The following REEP1 variants were observed in gnomAD, a reference collection of about 807,000 sequenced individuals.
The protein encoded by REEP1 is receptor expression-enhancing protein 1.
Under a neutral mutation model 40.3 loss-of-function variants are expected in REEP1, and 22 were observed. The ratio of observed to expected loss-of-function variants is 0.55; its 90% confidence interval spans 0.39 to 0.78. The LOEUF is 0.78. Among genes scored for constraint, REEP1 ranks in the 30% least tolerant of loss-of-function variants. The pLI is 0.00. For synonymous variants in REEP1, 116 were observed against 139.2 expected (o/e 0.83, Z 1.17); for missense variants, 280 against 361.1 (o/e 0.78, Z 1.82).
intron 2 of REEP1, chr2:86,280,109 C>T (rs1027287861): frequency 6.7e-6 from 3 of 449,654 alleles, no homozygotes; most frequent in East Asian, 7.0e-5. Flanking sequence ...TAAGGAAACT[C>T]GCAGGTTTCT....
intron 1 of REEP1, among the ~76,000 whole-genome samples, chr2:86,296,410 AT>A (rs1678985316): frequency 6.6e-6 from 1 of 152,264 alleles, no homozygotes; most frequent in South Asian, 2.1e-4. Context: ...AGAATGTGAG[AT>A]TTCAAAGCTT....
chr2:86,325,936 T>G (rs1220984542), intron 1 of REEP1, among the ~76,000 whole-genome samples: 1 of 152,244 alleles, frequency 6.6e-6, no homozygotes, highest in Non-Finnish European at 1.5e-5. Context: ...CCCTGTCCTC[T>G]GCCTTCTCTT....
In REEP1 at chr2:86,246,961, A is replaced by T. The variant is rs188232698; in HGVS notation, c.417+4996T>A. 1.5e-3 allele frequency among the ~76,000 whole-genome samples: 233 copies of T among 152,260 alleles called. 1 individual carries two copies. The highest frequency in any genetic ancestry group is 5.2e-3 in the African/African-American group (214 of 41,542). On this transcript the variant is annotated intron_variant, in intron 5 of 8. Coordinates refer to ENST00000538924, the MANE Select transcript of REEP1 (RefSeq NM_001371279.1). ...GGTGATCTGCCCGTCTTGGCCTCCC[A>T]AAGTGCTGGGATTACAGGCGTGAGC...
chr2:86,326,621 A>G (rs923520181), intron 1 of REEP1, among the ~76,000 whole-genome samples: 1 of 152,264 alleles, frequency 6.6e-6, no homozygotes, highest in Non-Finnish European at 1.5e-5. Context: ...CTGAGGGAGG[A>G]GAATCGCCTG....
chr2:86,330,379 G>A (rs532538096), intron 1 of REEP1, among the ~76,000 whole-genome samples: 1 of 151,800 alleles, frequency 6.6e-6, no homozygotes, highest in Non-Finnish European at 1.5e-5. Context: ...GTACTTATGA[G>A]CTAGTATGTG....
intron 1 of REEP1, among the ~76,000 whole-genome samples, chr2:86,329,502 A>G (rs1680665133): frequency 6.6e-6 from 1 of 152,142 alleles, no homozygotes; most frequent in Non-Finnish European, 1.5e-5. Flanking sequence ...CAGAACCAGA[A>G]AGCATGAATG....
chr2:86,225,577 C>T (rs1266412229), intron 7 of REEP1, among the ~76,000 whole-genome samples: 1 of 152,206 alleles, frequency 6.6e-6, no homozygotes, highest in Non-Finnish European at 1.5e-5. Flanking sequence ...GTCCTAATCC[C>T]CAGCTCTTCT....
At chr2:86,246,734 T>G (rs1435227755) in intron 5 of REEP1, among the ~76,000 whole-genome samples, 1 of 148,784 alleles carries the variant, frequency 6.7e-6, no homozygotes, top group African/African-American at 2.5e-5. Flanking sequence ...AGAGTTTCAC[T>G]CTTGTTGCCC....
intron 3 of REEP1, among the ~76,000 whole-genome samples, chr2:86,259,585 A>C (rs13022233): frequency 2.0e-5 from 3 of 151,848 alleles, no homozygotes; most frequent in Non-Finnish European, 2.9e-5. Context: ...ACGGGGTTTC[A>C]CCATGTTTGC....
At chr2:86,260,544 A>C (rs1402815338) in intron 3 of REEP1, among the ~76,000 whole-genome samples, 1 of 152,234 alleles carries the variant, frequency 6.6e-6, no homozygotes, top group Non-Finnish European at 1.5e-5. Context: ...GGGTAGGCCT[A>C]ATCTAATCAC....
At chr2:86,258,706 C>T (rs549867545) in intron 3 of REEP1, among the ~76,000 whole-genome samples, 5 of 152,296 alleles carry the variant, frequency 3.3e-5, no homozygotes, top group Non-Finnish European at 5.9e-5. Context: ...CAGCCTACCT[C>T]GAGAGACAGA....
At chr2:86,226,176 A>C (rs1201752377) in intron 7 of REEP1, among the ~76,000 whole-genome samples, 1 of 147,932 alleles carries the variant, frequency 6.8e-6, no homozygotes, top group Non-Finnish European at 1.5e-5. Flanking sequence ...CCTTCCCAGG[A>C]TTATTATGGC....
intron 1 of REEP1, among the ~76,000 whole-genome samples, chr2:86,330,414 G>GGTGTGTGT (rs55660803): frequency 0.029 from 3,670 of 127,828 alleles, 98 homozygotes; most frequent in East Asian, 0.056. Context: ...AGTGAATCCT[G>GGTGTGTGT]GTGTGTGTGT....
rs1010954340 is a variant in REEP1, at chr2:86,217,103, G to C, written c.791C>G (p.Pro264Arg). Reference protein sequence around the residue: ...RRMELPLEAPPRILRSRFRKK... With the variant: ...RRMELPLEAPRRILRSRFRKK... ...CCTGAAGCGAGATCGAAGGATTCTAGGCGGTGCCTGGTAGAGAAAACAGAA... is the reference window on the plus strand; with the variant it reads ...CCTGAAGCGAGATCGAAGGATTCTACGCGGTGCCTGGTAGAGAAAACAGAA... The change falls in exon 9 of 9, where the codon CCT (proline) becomes CGT (arginine). Residue 264 changes from proline (P) to arginine (R), a missense_variant. By Grantham distance (103) the Pro-to-Arg change is moderately radical. Coordinates refer to ENST00000538924, the MANE Select transcript of REEP1 (RefSeq NM_001371279.1). 1 of 1,613,990 alleles carries C rather than the reference G, an allele frequency of 6.2e-7. No individual in the cohort carries two copies. Among genetic ancestry groups the C allele is most frequent in the Admixed American group, 1.7e-5 (1 of 60,028 alleles).
chr2:86,337,693 G>C (rs1158182460), upstream of REEP1: 3 of 991,122 alleles, frequency 3.0e-6, no homozygotes, highest in East Asian at 2.2e-4. The surrounding 1 kb of genome is among the most constrained non-coding windows in gnomAD (Gnocchi z 5.8). Flanking sequence ...TGGCGGCGGC[G>C]GCGGCGGCCC....
chr2:86,282,636 T>TC (rs34002229), intron 1 of REEP1, among the ~76,000 whole-genome samples: 1 of 151,926 alleles, frequency 6.6e-6, no homozygotes, highest in Non-Finnish European at 1.5e-5. Flanking sequence ...TCAAAACCTT[T>TC]CCCCTCAAAT....
chr2:86,261,485 T>C (rs1398814344), intron 3 of REEP1, among the ~76,000 whole-genome samples: 2 of 152,192 alleles, frequency 1.3e-5, no homozygotes, highest in Non-Finnish European at 2.9e-5. Context: ...GTTAAATGGA[T>C]TAAGGGCTGT....
intron 1 of REEP1, among the ~76,000 whole-genome samples, chr2:86,305,889 C>T (rs916217175): frequency 1.3e-5 from 2 of 152,226 alleles, no homozygotes; most frequent in African/African-American, 2.4e-5. Flanking sequence ...TAGCGCCTCA[C>T]TGCCAGATTC....
chr2:86,264,062 A>G (rs370233135), intron 2 of REEP1, 21 bp from the exon 3 acceptor site: 20 of 1,594,774 alleles, frequency 1.3e-5, no homozygotes, highest in Non-Finnish European at 1.6e-5. Flanking sequence ...AGAAAGCAAC[A>G]CAGCTGGTAG....
Sources: allele counts gnomAD v4.1 joint callset (sites outside exome capture counted in the v4.1 genomes callset), GRCh38; gene constraint gnomAD v4.1.1; non-coding constraint Gnocchi (gnomAD v3.1); transcripts MANE v1.5; gene names NCBI Gene and HGNC (gene_info 2026-07-23, HGNC 2026-07-21).